SP3: variants seen among roughly 807,000 people sequenced by gnomAD.
The protein encoded by SP3 is transcription factor Sp3.
SP3 carries 10 observed loss-of-function variants against 70.3 expected under a neutral mutation model. That is an observed-to-expected ratio of 0.14 (90% CI 0.09 to 0.24). The LOEUF (loss-of-function observed/expected upper bound fraction) is 0.24, where lower values mean the gene tolerates loss of function less well. Ranked by LOEUF, SP3 falls within the 10% of genes least tolerant of loss-of-function variation. SP3 has a pLI of 1.00. For missense variants in SP3, 825 were observed against 914.6 expected (o/e 0.90, Z 1.26); for synonymous variants, 402 against 333.5 (o/e 1.21, Z -2.24).
chr2:173,921,001 T>A (rs1689738118), intron 4 of SP3, among the ~76,000 whole-genome samples: 3 of 152,138 alleles, frequency 2.0e-5, no homozygotes, highest in Admixed American at 6.5e-5. Context: ...GATTTCAGGG[T>A]TGCTGGTAAT....
At chr2:173,956,763 G>C (rs75358936) in intron 3 of SP3, among the ~76,000 whole-genome samples, 11,960 of 151,972 alleles carry the variant, frequency 0.079, 594 homozygotes, top group African/African-American at 0.13. Flanking sequence ...CTTTTTCCAT[G>C]AACTAATGAA....
intron 4 of SP3, 22 bp from the exon 5 acceptor site, chr2:173,918,807 A>C (rs1177464453): frequency 3.8e-6 from 6 of 1,590,358 alleles, no homozygotes; most frequent in Non-Finnish European, 5.1e-6. Context: ...AAAAAACCAA[A>C]TACAGATGAG....
chr2:173,924,391 T>C (rs1689848826), intron 4 of SP3, among the ~76,000 whole-genome samples: 1 of 152,226 alleles, frequency 6.6e-6, no homozygotes, highest in African/African-American at 2.4e-5. Flanking sequence ...GACCTGTAAT[T>C]AGTAAACTGA....
At chr2:173,951,978 G>A (rs577942562) in intron 4 of SP3, among the ~76,000 whole-genome samples, 2 of 152,044 alleles carry the variant, frequency 1.3e-5, no homozygotes, top group African/African-American at 4.8e-5. Context: ...TATTAAGAAG[G>A]TATCAAGCTC....
chr2:173,910,389 C>T, intron 6 of SP3, 132 bp from the exon 7 acceptor site: 1 of 659,162 alleles, frequency 1.5e-6, no homozygotes, highest in Middle Eastern at 2.8e-4. Flanking sequence ...AAATTGTATT[C>T]ATTTTACGAG....
intron 4 of SP3, among the ~76,000 whole-genome samples, chr2:173,953,804 G>C (rs545530864): frequency 1.3e-5 from 2 of 151,192 alleles, no homozygotes; most frequent in East Asian, 3.9e-4. Flanking sequence ...AACAACTACT[G>C]CTCTAAACCA....
intron 4 of SP3, among the ~76,000 whole-genome samples, chr2:173,937,578 T>A (rs569901470): frequency 2.6e-5 from 4 of 152,126 alleles, no homozygotes; most frequent in East Asian, 1.9e-4. Flanking sequence ...TGAAAAAAAA[T>A]TTTTAAATAA....
intron 4 of SP3, among the ~76,000 whole-genome samples, chr2:173,919,051 C>CA (rs1334433595): frequency 1.2e-4 from 18 of 152,134 alleles, no homozygotes; most frequent in Non-Finnish European, 2.4e-4. Context: ...ATGCTTCACT[C>CA]AAAGTTCTCG....
chr2:173,913,294 ACT>A, intron 5 of SP3, 28 bp from the exon 6 acceptor site: 3 of 1,405,370 alleles, frequency 2.1e-6, no homozygotes, highest in African/African-American at 1.5e-5. Context: ...AATAATATAT[ACT>A]TATATGAAAA....
rs986528220 is a variant in SP3, at chr2:173,901,568, T to C, written c.*8373A>G. 2.0e-5 allele frequency among the ~76,000 whole-genome samples: 3 copies of C among 151,894 alleles called. No individual in the cohort carries two copies. Among genetic ancestry groups the C allele is most frequent in the Non-Finnish European group, 4.4e-5 (3 of 67,974 alleles). On this transcript the variant is annotated 3_prime_UTR_variant, in exon 7 of 7. Coordinates refer to ENST00000310015, the MANE Select transcript of SP3 (RefSeq NM_003111.5). The stretch of plus-strand genomic sequence containing the variant: ...AAAAATATGCTCAACCTCACCAGAA[T>C]ATAGAAAAATTAGAATTAAAGTCAT...
intron 6 of SP3, among the ~76,000 whole-genome samples, chr2:173,911,277 C>T (rs1002589147): frequency 6.6e-6 from 1 of 152,190 alleles, no homozygotes; most frequent in Non-Finnish European, 1.5e-5. Context: ...AGTTTAGATG[C>T]TCCACTGCCT....
chr2:173,914,901 G>C (rs1689584329), intron 5 of SP3: 2 of 152,006 alleles, frequency 1.3e-5, no homozygotes, highest in South Asian at 2.1e-4. Flanking sequence ...AGCAATGTTT[G>C]TGGCTACTGG....
intron 4 of SP3, among the ~76,000 whole-genome samples, chr2:173,920,531 C>CG (rs1559092677): frequency 6.6e-6 from 1 of 151,782 alleles, no homozygotes; most frequent in Non-Finnish European, 1.5e-5. Context: ...TGTGCAGGGG[C>CG]GGGGGGTAAG....
In SP3 at chr2:173,918,887, C is replaced by T. The variant is rs143623458; in HGVS notation, c.1640-102G>A. 1.0e-5 allele frequency: 10 copies of T among 960,222 alleles called. No individual in the cohort carries two copies. In the African/African-American group the frequency reaches 1.2e-4, roughly 11 times the overall value. The allele number at this position is 960,222 out of a possible 1,614,324, so 59.5% of individuals were successfully genotyped here. The stretch of plus-strand genomic sequence containing the variant: ...TCTCCCAATGTTACAACTTTGCATG[C>T]ACTACTTCTCTTGCCTAGACTGTTT... On this transcript the variant is annotated intron_variant, in intron 4 of 6. Transcript: ENST00000310015.
chr2:173,965,414 C>T (rs1691263698), upstream of SP3: 4 of 547,390 alleles, frequency 7.3e-6, no homozygotes, highest in East Asian at 1.3e-4. Flanking sequence ...GGCTCTCATT[C>T]GCCGCCGTGC....
In SP3 at chr2:173,964,506, C is replaced by T. The variant is rs1574432130; in HGVS notation, c.55G>A (p.Asp19Asn). ...CCGCCGCCACCGCCGCCGCCGCTATCCACGTCCAAGGCAGCCATTTCCTCT... is the reference window on the plus strand; with the variant it reads ...CCGCCGCCACCGCCGCCGCCGCTATTCACGTCCAAGGCAGCCATTTCCTCT... ...KQEEMAALDV[D>N]SGGGGGGGGG... The change falls in exon 2 of 7, where the codon GAT (aspartate) becomes AAT (asparagine). Residue 19 changes from aspartate (D) to asparagine (N), a missense_variant. Physicochemically the swap from Asp to Asn is conservative, Grantham distance 23. Around this residue, in one of 4 missense-constraint regions of SP3, gnomAD observed 678 missense variants for 651.6 expected, o/e 1.04. Transcript: ENST00000310015. The T allele has an allele frequency of 2.8e-6, 2 of 705,004 alleles. No homozygotes were observed. Among genetic ancestry groups the T allele is most frequent in the African/African-American group, 3.6e-5 (2 of 54,874 alleles). The allele number at this position is 705,004 out of a possible 1,614,324, so 43.7% of individuals were successfully genotyped here. A position where few individuals can be genotyped will look rare whatever the true frequency, so the allele number is the denominator to read the frequency against.
At chr2:173,962,406 G>A (rs1235997583) in intron 3 of SP3, among the ~76,000 whole-genome samples, 5 of 152,094 alleles carry the variant, frequency 3.3e-5, no homozygotes, top group African/African-American at 1.2e-4. Flanking sequence ...TGGCACTTTG[G>A]AACTAGAGGG....
intron 4 of SP3, among the ~76,000 whole-genome samples, chr2:173,930,354 C>A (rs545991799): frequency 1.9e-3 from 286 of 152,160 alleles, no homozygotes; most frequent in Non-Finnish European, 3.3e-3. Context: ...ATTGCTTGAG[C>A]CCAGGAATTT....
chr2:173,925,720 G>A (rs1005571641), intron 4 of SP3, among the ~76,000 whole-genome samples: 1 of 152,108 alleles, frequency 6.6e-6, no homozygotes, highest in African/African-American at 2.4e-5. Context: ...AATATTACAA[G>A]TTATTGTAAC....
Sources: gnomAD v4.1 joint callset for allele counts (sites outside exome capture counted in the v4.1 genomes callset) on GRCh38, gnomAD v4.1.1 for gene constraint, gnomAD v4.1.1 regional missense constraint, MANE v1.5 for transcripts, NCBI Gene and HGNC (gene_info 2026-07-23, HGNC 2026-07-21) for gene names.